Variants in DMD observed in about 807,000 individuals in gnomAD.
DMD encodes dystrophin.
A neutral mutation model predicts 330.1 loss-of-function variants in DMD; 63 were observed. That is an observed-to-expected ratio of 0.19 (90% CI 0.16 to 0.24). DMD has a LOEUF of 0.24. Ranked by LOEUF, DMD falls within the 10% of genes least tolerant of loss-of-function variation. DMD has a pLI of 1.00. For missense variants in DMD, 3,344 were observed against 2,684.1 expected (o/e 1.25, Z -5.43); for synonymous variants, 1,223 against 959.8 (o/e 1.27, Z -5.07).
At position 31,505,308 on chromosome X, in the gene DMD, T is replaced by C. The variant is rs141333457; in HGVS notation, c.8390+1973A>G. Among the ~76,000 whole-genome samples the C allele has an allele frequency of 4.8e-4, 54 of 111,701 alleles. No individual in the cohort carries two copies. The East Asian group carries it at 0.014, about 30-fold the overall frequency. On this transcript the variant is annotated intron_variant, in intron 56 of 78. Coordinates refer to ENST00000357033, the MANE Select transcript of DMD (RefSeq NM_004006.3). ...ATGCTATTGCCATTGTTGCTCCCAGTGTACCACCACCAAGTTGACACAAAA... is the reference window on the plus strand; with the variant it reads ...ATGCTATTGCCATTGTTGCTCCCAGCGTACCACCACCAAGTTGACACAAAA...
chrX:31,272,638 C>T (rs150666972), intron 62 of DMD, among the ~76,000 whole-genome samples: 1 of 112,342 alleles, frequency 8.9e-6, no homozygotes, highest in Non-Finnish European at 1.9e-5. Context: ...CTACCTTCCT[C>T]CCACACAACA....
At chrX:31,703,394 ATG>A (rs1347247205) in intron 52 of DMD, among the ~76,000 whole-genome samples, 5 of 112,025 alleles carry the variant, frequency 4.5e-5, no homozygotes, top group Non-Finnish European at 9.4e-5. Flanking sequence ...TGTATCTCAC[ATG>A]TGTCTATGCT....
chrX:32,359,872 T>A (rs886401975), intron 37 of DMD, among the ~76,000 whole-genome samples: 1 of 110,767 alleles, frequency 9.0e-6, no homozygotes, highest in Non-Finnish European at 1.9e-5. Context: ...TTAAATAATA[T>A]GATTTTAATA....
At chrX:32,038,018 A>G (rs919269902) in intron 44 of DMD, among the ~76,000 whole-genome samples, 4 of 111,903 alleles carry the variant, frequency 3.6e-5, no homozygotes, top group Admixed American at 1.9e-4. Context: ...GGCAGAGCAC[A>G]TGGTCATTTG....
chrX:33,139,527 G>C (rs116794636), intron 1 of DMD, among the ~76,000 whole-genome samples: 123 of 110,501 alleles, frequency 1.1e-3, no homozygotes, highest in African/African-American at 4.0e-3. Context: ...GGTGATCGGA[G>C]CATGCGGGTG....
At position 32,614,309 on chromosome X, in the gene DMD, T is replaced by C. The variant is rs1171698171; in HGVS notation, c.1476A>G (p.Gln492=). Residue 492 remains glutamine, a synonymous_variant, in exon 12 of 79, where the codon CAA becomes CAG. Transcript: ENST00000357033. ...CAACATAAGATACACCTACCTTATG[T>C]TGTTGTACTTGGCGTTTTAGGTCTT... The part of the protein sequence containing the change: ...DLEDLKRQVQ[Q]HKVLQEDLEQ... 8 of 1,206,078 alleles carry C rather than the reference T, an allele frequency of 6.6e-6. No individual in the cohort carries two copies. The highest frequency in any genetic ancestry group is 9.0e-6 in the Non-Finnish European group (8 of 893,261).
intron 9 of DMD, among the ~76,000 whole-genome samples, chrX:32,669,551 T>A (rs1021499195): frequency 8.9e-5 from 10 of 111,846 alleles, no homozygotes; most frequent in Non-Finnish European, 1.9e-5. Context: ...AAATTTCATG[T>A]ACTTTTTGGG....
intron 47 of DMD, among the ~76,000 whole-genome samples, chrX:31,896,617 A>C (rs1211715980): frequency 1.8e-5 from 2 of 111,610 alleles, no homozygotes; most frequent in Admixed American, 1.9e-4. Context: ...AATGTGCTTC[A>C]AGTTTCAGAA....
intron 27 of DMD, among the ~76,000 whole-genome samples, chrX:32,442,897 A>C (rs2098287802): frequency 9.0e-6 from 1 of 111,237 alleles, no homozygotes; most frequent in Non-Finnish European, 1.9e-5. Flanking sequence ...AAACTATATT[A>C]TAGTTTACCA....
chrX:32,983,570 CACACAT>C (rs201477254), intron 2 of DMD, among the ~76,000 whole-genome samples: 3,175 of 75,345 alleles, frequency 0.042, 100 homozygotes, highest in African/African-American at 0.22. Flanking sequence ...CACACACACA[CACACAT>C]ATAGGAACAC....
intron 47 of DMD, among the ~76,000 whole-genome samples, chrX:31,915,940 G>C (rs781689003): frequency 8.9e-6 from 1 of 111,907 alleles, no homozygotes; most frequent in Admixed American, 9.5e-5. Flanking sequence ...ATCAGGAGTT[G>C]TAACCTATTT....
At chrX:31,144,719 AG>A (rs1159328877) in intron 76 of DMD, among the ~76,000 whole-genome samples, 4 of 111,396 alleles carry the variant, frequency 3.6e-5, no homozygotes, top group Non-Finnish European at 5.7e-5. Flanking sequence ...GAGAGGACCA[AG>A]TATATAACCA....
intron 44 of DMD, among the ~76,000 whole-genome samples, chrX:32,102,858 T>A (rs1229567788): frequency 8.9e-6 from 1 of 112,132 alleles, no homozygotes; most frequent in African/African-American, 3.2e-5. Context: ...GTTATTTTGA[T>A]CAGAGATGCA....
At chrX:32,272,106 C>A (rs1217911414) in intron 43 of DMD, among the ~76,000 whole-genome samples, 1 of 112,065 alleles carries the variant, frequency 8.9e-6, no homozygotes. Flanking sequence ...GGAAAAAGTA[C>A]TCCACTGAAT....
At chrX:32,947,352 C>T (rs144496615) in intron 2 of DMD, among the ~76,000 whole-genome samples, 3 of 111,928 alleles carry the variant, frequency 2.7e-5, no homozygotes, top group Non-Finnish European at 5.6e-5. Flanking sequence ...TTCTTTTTTT[C>T]TCCTTACTTT....
intron 9 of DMD, among the ~76,000 whole-genome samples, chrX:32,656,144 T>A (rs931800310): frequency 8.9e-6 from 1 of 112,054 alleles, no homozygotes; most frequent in African/African-American, 3.2e-5. Flanking sequence ...CAGTTAGATG[T>A]GGCATGTAAC....
At chrX:32,607,193 A>G (rs772573149) in intron 12 of DMD, among the ~76,000 whole-genome samples, 2 of 110,483 alleles carry the variant, frequency 1.8e-5, no homozygotes, top group Non-Finnish European at 3.8e-5. Context: ...ACAATACATT[A>G]ACTTCAGCTT....
At chrX:32,617,177 C>T (rs2057648538) in intron 11 of DMD, among the ~76,000 whole-genome samples, 2 of 110,103 alleles carry the variant, frequency 1.8e-5, no homozygotes, top group Admixed American at 9.7e-5. Flanking sequence ...GGGCATTTGC[C>T]AGGAGTCTCT....
At chrX:31,386,632 A>G (rs191445896) in intron 60 of DMD, among the ~76,000 whole-genome samples, 2 of 112,224 alleles carry the variant, frequency 1.8e-5, no homozygotes, top group East Asian at 5.6e-4. Flanking sequence ...CCAGAATTTA[A>G]CACAGTGCTT....
Sources: allele counts gnomAD v4.1 joint callset (sites outside exome capture counted in the v4.1 genomes callset), GRCh38; gene constraint gnomAD v4.1.1; transcripts MANE v1.5; gene names NCBI Gene and HGNC (gene_info 2026-07-23, HGNC 2026-07-21).